The following XPO4 variants were observed in gnomAD, a reference collection of about 807,000 sequenced individuals.
The protein encoded by XPO4 is exportin-4.
XPO4 carries 39 observed loss-of-function variants against 143.0 expected under a neutral mutation model. The ratio of observed to expected loss-of-function variants is 0.27; its 90% confidence interval spans 0.21 to 0.36. The LOEUF (loss-of-function observed/expected upper bound fraction) is 0.36, where lower values mean the gene tolerates loss of function less well. Among genes scored for constraint, XPO4 ranks in the 10% least tolerant of loss-of-function variants. XPO4 has a pLI of 1.00. For synonymous variants in XPO4, 439 were observed against 474.0 expected, an observed-to-expected ratio of 0.93 and a Z score of 0.96; for missense variants, 907 against 1,348.0, an observed-to-expected ratio of 0.67 and a Z score of 5.12.
At chr13:20,864,602 C>T (rs1343083304) in intron 2 of XPO4, among the ~76,000 whole-genome samples, 5 of 152,186 alleles carry the variant, frequency 3.3e-5, no homozygotes, top group Admixed American at 3.3e-4. Flanking sequence ...TACCCTGAAA[C>T]ACACATGCCA....
chr13:20,884,542 T>C (rs9506569), intron 1 of XPO4, among the ~76,000 whole-genome samples: 55,858 of 151,938 alleles, frequency 0.37, 11,683 homozygotes, highest in Non-Finnish European at 0.48. Flanking sequence ...CCGGAGTAGC[T>C]GGGACCACAG....
chr13:20,902,580 G>C (rs2060632263), intron 1 of XPO4, 90 bp downstream of exon 1: 1 of 1,402,750 alleles, frequency 7.1e-7, no homozygotes, highest in Non-Finnish European at 9.3e-7. Flanking sequence ...GCCCTTGCCA[G>C]TCGCCAGCCC....
chr13:20,788,020 T>C (rs1297164270), intron 20 of XPO4, among the ~76,000 whole-genome samples: 1 of 151,382 alleles, frequency 6.6e-6, no homozygotes, highest in Non-Finnish European at 1.5e-5. Flanking sequence ...AACACAGAAA[T>C]AGAGCAGTTA....
chr13:20,809,639 T>C, intron 10 of XPO4, 152 bp downstream of exon 10: 2 of 771,494 alleles, frequency 2.6e-6, no homozygotes, highest in Non-Finnish European at 3.9e-6. Flanking sequence ...CATCCCATTT[T>C]AATAAGAACT....
intron 10 of XPO4, 46 bp from the exon 11 acceptor site, chr13:20,809,271 T>C: frequency 6.3e-7 from 1 of 1,591,530 alleles, no homozygotes; most frequent in Non-Finnish European, 8.5e-7. Context: ...GCATTGCCTA[T>C]TCAACGTGCA....
intron 4 of XPO4, among the ~76,000 whole-genome samples, chr13:20,846,942 G>T (rs1282303453): frequency 6.6e-6 from 1 of 152,114 alleles, no homozygotes; most frequent in African/African-American, 2.4e-5. Context: ...GTACAGCATT[G>T]TTAGAGGTAT....
chr13:20,902,182 G>T, intron 1 of XPO4: 7 of 985,350 alleles, frequency 7.1e-6, no homozygotes, highest in Non-Finnish European at 8.4e-6. Flanking sequence ...TCCAGAGGTG[G>T]CTGCATGTCA....
intron 4 of XPO4, chr13:20,851,727 AAAAGAAAGAAAG>A: frequency 1.2e-6 from 1 of 856,536 alleles, no homozygotes; most frequent in Non-Finnish European, 1.4e-6. Flanking sequence ...AAAAAAAAAA[AAAAGAAAGAAAG>A]AAAGAAAGAA....
chr13:20,827,222 G>C, intron 6 of XPO4, 43 bp from the exon 7 acceptor site: 1 of 1,376,788 alleles, frequency 7.3e-7, no homozygotes, highest in Non-Finnish European at 1.0e-6. Flanking sequence ...TTCTTACTTT[G>C]TCTAAAGTAT....
At chr13:20,832,571 A>G (rs1400484377) in intron 6 of XPO4, among the ~76,000 whole-genome samples, 1 of 152,226 alleles carries the variant, frequency 6.6e-6, no homozygotes, top group Non-Finnish European at 1.5e-5. Context: ...TCATCTTTCC[A>G]TACTATTTTT....
At chr13:20,796,506 A>G (rs1229431155) in intron 17 of XPO4, among the ~76,000 whole-genome samples, 4 of 152,094 alleles carry the variant, frequency 2.6e-5, no homozygotes, top group Admixed American at 6.6e-5. Flanking sequence ...TGGCATACAT[A>G]TACCTATGTA....
chr13:20,830,190 AC>A (rs2059835139), intron 6 of XPO4, among the ~76,000 whole-genome samples: 1 of 152,152 alleles, frequency 6.6e-6, no homozygotes, highest in Non-Finnish European at 1.5e-5. Context: ...AGTGTTGGTA[AC>A]CAGAATAGTT....
intron 13 of XPO4, among the ~76,000 whole-genome samples, chr13:20,801,621 G>C (rs2059433583): frequency 6.6e-6 from 1 of 152,124 alleles, no homozygotes; most frequent in African/African-American, 2.4e-5. Flanking sequence ...CAATCACATA[G>C]CGTGACATGC....
chr13:20,795,952 A>C (rs2059352646), intron 18 of XPO4, 124 bp downstream of exon 18: 1 of 1,087,746 alleles, frequency 9.2e-7, no homozygotes, highest in African/African-American at 1.6e-5. Flanking sequence ...GACCACAAAG[A>C]TCTTCTTTCA....
intron 9 of XPO4, among the ~76,000 whole-genome samples, chr13:20,812,088 G>A (rs180715693): frequency 6.6e-6 from 1 of 152,208 alleles, no homozygotes; most frequent in Non-Finnish European, 1.5e-5. Flanking sequence ...GAATAAGGAG[G>A]AGCCGGGCAT....
At chr13:20,866,320 A>G in intron 2 of XPO4, 1 of 984,900 alleles carries the variant, frequency 1.0e-6, no homozygotes, top group Non-Finnish European at 1.2e-6. Flanking sequence ...AGAAATGAGG[A>G]AAAATGAGCA....
At position 20,777,926 on chromosome 13, in the gene XPO4, C is replaced by T. The variant is rs1289313870; in HGVS notation, c.*5796G>A. ...CAAAAGATTCTTTCATTAGTTTCACCAAATATACCATTTCCACTTAGTTTT... is the reference window on the plus strand; with the variant it reads ...CAAAAGATTCTTTCATTAGTTTCACTAAATATACCATTTCCACTTAGTTTT... On this transcript the variant is annotated 3_prime_UTR_variant, in exon 23 of 23. Coordinates refer to ENST00000255305, the MANE Select transcript of XPO4 (RefSeq NM_022459.5). 1 of 152,100 alleles carries T rather than the reference C, an allele frequency of 6.6e-6. No homozygotes were observed. Among genetic ancestry groups the T allele is most frequent in the South Asian group, 2.1e-4 (1 of 4,826 alleles). 9.4% of individuals were successfully genotyped at this position (152,100 alleles called of 1,614,324 possible). A position where few individuals can be genotyped will look rare whatever the true frequency, so the allele number is the denominator to read the frequency against.
intron 1 of XPO4, among the ~76,000 whole-genome samples, chr13:20,872,547 A>T (rs1377608218): frequency 6.6e-6 from 1 of 152,212 alleles, no homozygotes; most frequent in African/African-American, 2.4e-5. Flanking sequence ...GCATTATTTT[A>T]GATAGATACA....
intron 1 of XPO4, among the ~76,000 whole-genome samples, chr13:20,900,316 G>A (rs544981844): frequency 4.6e-5 from 7 of 152,050 alleles, no homozygotes; most frequent in South Asian, 2.1e-4. Flanking sequence ...CCCGGGAGGC[G>A]GAGGTGGCAG....
Sources: allele counts gnomAD v4.1 joint callset (sites outside exome capture counted in the v4.1 genomes callset), GRCh38; gene constraint gnomAD v4.1.1; transcripts MANE v1.5; gene names NCBI Gene and HGNC (gene_info 2026-07-23, HGNC 2026-07-21).